BABAM2: variants seen among roughly 807,000 people sequenced by gnomAD.
BABAM2 encodes the protein BRISC and BRCA1 A complex member 2, also known as BRISC and BRCA1-A complex member 2.
A neutral mutation model predicts 54.7 loss-of-function variants in BABAM2; 31 were observed. The observed-to-expected ratio is 0.57, with a 90% confidence interval of 0.43 to 0.77. The LOEUF (loss-of-function observed/expected upper bound fraction) is 0.77. Ranked by LOEUF, BABAM2 falls within the 30% of genes least tolerant of loss-of-function variation. The probability of loss-of-function intolerance (pLI) is 0.00; values close to 1 mark genes in which losing one functional copy is unlikely to be tolerated. For synonymous variants in BABAM2, 167 were observed against 162.9 expected, an observed-to-expected ratio of 1.03 and a Z score of -0.19; for missense variants, 364 against 455.8, an observed-to-expected ratio of 0.80 and a Z score of 1.83.
chr2:28,195,716 T>A (rs1190130057), intron 7 of BABAM2, among the ~76,000 whole-genome samples: 1 of 152,230 alleles, frequency 6.6e-6, no homozygotes, highest in Admixed American at 6.5e-5. Context: ...AAAGTGACTG[T>A]CATAGGACAG....
At chr2:28,312,890 A>G (rs930698738) in intron 11 of BABAM2, among the ~76,000 whole-genome samples, 2 of 152,164 alleles carry the variant, frequency 1.3e-5, no homozygotes, top group African/African-American at 4.8e-5. Context: ...CATCATTTTC[A>G]TTTCCTAGAA....
At chr2:28,160,254 T>C (rs1431271909) in intron 7 of BABAM2, among the ~76,000 whole-genome samples, 2 of 152,214 alleles carry the variant, frequency 1.3e-5, no homozygotes, top group Non-Finnish European at 2.9e-5. Context: ...AAACCTGGGA[T>C]TCCAGGACTA....
chr2:27,890,068 T>A, upstream of BABAM2: 1 of 563,722 alleles, frequency 1.8e-6, no homozygotes, highest in Non-Finnish European at 3.2e-6. This position sits in a 1 kb window ranked among gnomAD's most constrained non-coding sequence, Gnocchi z 4.8. Context: ...CCCCTGAGAT[T>A]TACCTTTATA....
intron 10 of BABAM2, among the ~76,000 whole-genome samples, chr2:28,285,945 C>A (rs569119683): frequency 6.7e-6 from 1 of 150,120 alleles, no homozygotes; most frequent in Non-Finnish European, 1.5e-5. Flanking sequence ...CTTCTACTAA[C>A]GAATAATAAC....
At chr2:28,242,832 T>G (rs1052739968) in intron 9 of BABAM2, among the ~76,000 whole-genome samples, 4 of 152,210 alleles carry the variant, frequency 2.6e-5, no homozygotes, top group African/African-American at 9.7e-5. Context: ...GCCTCTCACA[T>G]GAGTCTTTAA....
chr2:27,979,304 G>A (rs533999442), intron 3 of BABAM2, among the ~76,000 whole-genome samples: 84 of 152,020 alleles, frequency 5.5e-4, no homozygotes, highest in African/African-American at 2.0e-3. Context: ...AAAGTGCTGA[G>A]ATTACAGGTG....
chr2:28,236,519 A>G (rs111568610), intron 7 of BABAM2, among the ~76,000 whole-genome samples: 1,797 of 152,048 alleles, frequency 0.012, 13 homozygotes, highest in Middle Eastern at 0.041. Context: ...GCCCACCACC[A>G]CACACCCAGC....
chr2:28,184,522 C>G (rs1350879776), intron 7 of BABAM2, among the ~76,000 whole-genome samples: 5 of 136,604 alleles, frequency 3.7e-5, no homozygotes, highest in Non-Finnish European at 4.7e-5. Context: ...TGTTCCCCTT[C>G]CTGTGTCCAA....
intron 10 of BABAM2, among the ~76,000 whole-genome samples, chr2:28,283,019 G>GAAAGTATTTATTA (rs1553357877): frequency 0.073 from 8,379 of 115,158 alleles, 320 homozygotes; most frequent in South Asian, 0.15. Context: ...AAAAAAAAAA[G>GAAAGTATTTATTA]GAATGAAAAC....
chr2:28,279,095 A>G (rs896522764), intron 10 of BABAM2, among the ~76,000 whole-genome samples: 2 of 152,208 alleles, frequency 1.3e-5, no homozygotes, highest in Admixed American at 6.5e-5. Context: ...AACCTTCAGC[A>G]TGATGAGAAG....
At chr2:28,137,770 T>C (rs1388743779) in intron 7 of BABAM2, among the ~76,000 whole-genome samples, 1 of 152,218 alleles carries the variant, frequency 6.6e-6, no homozygotes, top group East Asian at 1.9e-4. Context: ...AAATCTGTGA[T>C]AATTCAAATC....
intron 2 of BABAM2, among the ~76,000 whole-genome samples, chr2:27,922,202 A>G (rs778118613): frequency 2.0e-5 from 3 of 152,206 alleles, no homozygotes; most frequent in Non-Finnish European, 2.9e-5. Flanking sequence ...TATGAGTGTT[A>G]GTAATATGCT....
At chr2:28,040,524 TCTC>T (rs1425395699) in intron 5 of BABAM2, among the ~76,000 whole-genome samples, 3 of 151,768 alleles carry the variant, frequency 2.0e-5, no homozygotes, top group African/African-American at 7.3e-5. Flanking sequence ...ATGGTCTCGA[TCTC>T]CTGACCTCGT....
At chr2:28,224,207 T>C (rs910630942) in intron 7 of BABAM2, among the ~76,000 whole-genome samples, 1 of 152,232 alleles carries the variant, frequency 6.6e-6, no homozygotes, top group Non-Finnish European at 1.5e-5. Flanking sequence ...GATGTTTTCA[T>C]TGATGATGAA....
intron 10 of BABAM2, among the ~76,000 whole-genome samples, chr2:28,294,437 T>C (rs1230817226): frequency 6.6e-6 from 1 of 151,968 alleles, no homozygotes; most frequent in African/African-American, 2.4e-5. Context: ...TTGATATAGC[T>C]GAAACTATGA....
At chr2:28,015,022 G>A (rs1273340423) in intron 4 of BABAM2, among the ~76,000 whole-genome samples, 5 of 152,146 alleles carry the variant, frequency 3.3e-5, no homozygotes, top group Non-Finnish European at 5.9e-5. Flanking sequence ...TATTGAAGTG[G>A]AAGTAAATCC....
intron 4 of BABAM2, among the ~76,000 whole-genome samples, chr2:28,011,548 A>G (rs1179959630): frequency 1.3e-5 from 2 of 152,182 alleles, no homozygotes; most frequent in Admixed American, 6.5e-5. Context: ...CAAATATTGC[A>G]GGTCTAAAGT....
In BABAM2 at chr2:28,291,060, C is replaced by G. The variant is rs530130046; in HGVS notation, c.935-7278C>G. ...GTACCTGTTTGGTTTTTATTTAGTT[C>G]TTTCAACAAACACTATGAGATAGAA... On this transcript the variant is annotated intron_variant, in intron 10 of 11. Coordinates refer to ENST00000379624, the MANE Select transcript of BABAM2 (RefSeq NM_199191.3). 4.6e-5 allele frequency among the ~76,000 whole-genome samples: 7 copies of G among 152,194 alleles called. No individual in the cohort carries two copies. The South Asian group carries it at 1.5e-3, about 32-fold the overall frequency.
intron 6 of BABAM2, among the ~76,000 whole-genome samples, chr2:28,119,924 A>C (rs1447509649): frequency 6.6e-6 from 1 of 152,182 alleles, no homozygotes; most frequent in African/African-American, 2.4e-5. Flanking sequence ...ATTTTCACTG[A>C]ATATAGTTAG....
Sources: gnomAD v4.1 joint callset for allele counts (sites outside exome capture counted in the v4.1 genomes callset) on GRCh38, gnomAD v4.1.1 for gene constraint, Gnocchi (gnomAD v3.1) non-coding constraint, MANE v1.5 for transcripts, NCBI Gene and HGNC (gene_info 2026-07-23, HGNC 2026-07-21) for gene names.